JAK2: variants seen among roughly 807,000 people sequenced by gnomAD.
The protein encoded by JAK2 is tyrosine-protein kinase JAK2.
In JAK2, 86 loss-of-function variants were observed where a neutral mutation model predicts 139.3. That is an observed-to-expected ratio of 0.62 (90% CI 0.52 to 0.74). JAK2 has a LOEUF of 0.74. Ranked by LOEUF, JAK2 falls within the 30% of genes least tolerant of loss-of-function variation. JAK2 has a pLI of 0.00. For missense variants in JAK2, 1,421 were observed against 1,360.3 expected (o/e 1.04, Z -0.70); for synonymous variants, 490 against 437.7 (o/e 1.12, Z -1.49).
chr9:4,989,289 C>G (rs1329171865), intron 2 of JAK2, among the ~76,000 whole-genome samples: 1 of 152,146 alleles, frequency 6.6e-6, no homozygotes, highest in Non-Finnish European at 1.5e-5. Flanking sequence ...TGTTCTCCAT[C>G]CCTCTTTTTT....
chr9:5,042,536 C>T (rs1299428700), intron 4 of JAK2, among the ~76,000 whole-genome samples: 1 of 152,214 alleles, frequency 6.6e-6, no homozygotes, highest in East Asian at 1.9e-4. Context: ...AGGCCCCCTC[C>T]ACCCCCACCC....
intron 4 of JAK2, chr9:5,041,579 G>A (rs1203619648): frequency 2.0e-6 from 1 of 505,722 alleles, no homozygotes. Context: ...TGCACTACGT[G>A]CGGCGCCTGG....
rs1052496290 is a variant in JAK2 at position 5,112,406 on chromosome 9, T to G, written c.3060-10598T>G. On this transcript the variant is annotated intron_variant, in intron 22 of 24. Transcript: ENST00000381652. ...GGGAAATCAAGCGGGAGGAGGAGGA[T>G]GAGGAGAACACGTCGGCGGCTGACC... The G allele has an allele frequency of 1.8e-4, 80 of 451,360 alleles. 1 individual carries two copies. The highest frequency in any genetic ancestry group is 3.0e-4 in the Non-Finnish European group (74 of 243,078). The allele number at this position is 451,360 out of a possible 1,614,324, so 28.0% of individuals were successfully genotyped here. A position where few individuals can be genotyped will look rare whatever the true frequency, so the allele number is the denominator to read the frequency against.
At chr9:5,069,650 A>G (rs747778489) in intron 11 of JAK2, among the ~76,000 whole-genome samples, 17 of 152,264 alleles carry the variant, frequency 1.1e-4, no homozygotes, top group Non-Finnish European at 2.2e-4. Flanking sequence ...AGTTACTATA[A>G]TTTTGAATTA....
chr9:5,046,011 A>G (rs920653008), intron 5 of JAK2, among the ~76,000 whole-genome samples: 1 of 152,184 alleles, frequency 6.6e-6, no homozygotes, highest in Non-Finnish European at 1.5e-5. Flanking sequence ...CCAGCAGTGC[A>G]CAAGTGTTCC....
chr9:5,106,025 G>T (rs577240149), intron 22 of JAK2, among the ~76,000 whole-genome samples: 1 of 152,014 alleles, frequency 6.6e-6, no homozygotes, highest in Non-Finnish European at 1.5e-5. Context: ...TGATGAAAAC[G>T]CCAGAAACAA....
chr9:5,098,833 ACAG>A (rs111606445), intron 22 of JAK2: 13,401 of 152,136 alleles, frequency 0.088, 1,822 homozygotes, highest in African/African-American at 0.3. Context: ...AGCTGGGACT[ACAG>A]GCGACCGCCA....
At chr9:5,107,037 A>ATATATACATCACTTTAC (rs1385493390) in intron 22 of JAK2, among the ~76,000 whole-genome samples, 1 of 152,200 alleles carries the variant, frequency 6.6e-6, no homozygotes, top group Non-Finnish European at 1.5e-5. Context: ...TAATAAAAAT[A>ATATATACATCACTTTAC]TATATACATC....
chr9:5,055,816 G>C, intron 8 of JAK2, 28 bp downstream of exon 8: 1 of 1,584,640 alleles, frequency 6.3e-7, no homozygotes. Flanking sequence ...TTGAATAATG[G>C]TTTCATTTTA....
chr9:5,072,044 G>T (rs893872787), intron 12 of JAK2, among the ~76,000 whole-genome samples: 2 of 152,088 alleles, frequency 1.3e-5, no homozygotes, highest in Non-Finnish European at 2.9e-5. Context: ...TTCAGATGAA[G>T]AAACCACGAC....
intron 2 of JAK2, among the ~76,000 whole-genome samples, chr9:5,018,105 TTGA>T (rs1822189392): frequency 6.6e-6 from 1 of 152,228 alleles, no homozygotes; most frequent in South Asian, 2.1e-4. Flanking sequence ...AAGTTTATTC[TTGA>T]TATGTGAAGG....
chr9:4,987,963 T>C (rs1238689028), intron 2 of JAK2, among the ~76,000 whole-genome samples: 1 of 152,110 alleles, frequency 6.6e-6, no homozygotes, highest in South Asian at 2.1e-4. Flanking sequence ...GTTTCCTCCT[T>C]TCTAGTATAA....
intron 13 of JAK2, among the ~76,000 whole-genome samples, chr9:5,072,972 CA>C (rs1462073123): frequency 6.6e-6 from 1 of 152,056 alleles, no homozygotes; most frequent in African/African-American, 2.4e-5. Flanking sequence ...AACAAAAAAC[CA>C]AGTTTCAAAG....
At chr9:5,078,183 C>A in intron 15 of JAK2, 123 bp from the exon 16 acceptor site, 2 of 712,356 alleles carry the variant, frequency 2.8e-6, no homozygotes, top group South Asian at 2.6e-5. Context: ...TCAATGCATG[C>A]CTCCAAATTA....
At chr9:5,095,477 G>A (rs1026702333) in intron 22 of JAK2, among the ~76,000 whole-genome samples, 2 of 151,934 alleles carry the variant, frequency 1.3e-5, no homozygotes, top group Non-Finnish European at 2.9e-5. Flanking sequence ...TCCGGGCAAT[G>A]GACAATAATA....
chr9:5,081,687 T>G (rs749382721), intron 18 of JAK2, 38 bp from the exon 19 acceptor site: 4 of 1,456,080 alleles, frequency 2.7e-6, no homozygotes, highest in Non-Finnish European at 3.8e-6. Context: ...AGAATGTTAT[T>G]TGCTAATTTA....
chr9:5,089,492 C>T (rs1586769697), intron 19 of JAK2, among the ~76,000 whole-genome samples, 182 bp from the exon 20 acceptor site: 2 of 126,706 alleles, frequency 1.6e-5, no homozygotes, highest in Non-Finnish European at 1.5e-5. Flanking sequence ...GAGCCGAGAT[C>T]GTGCCACTGC....
intron 3 of JAK2, among the ~76,000 whole-genome samples, chr9:5,028,728 T>C (rs1822945532): frequency 6.6e-6 from 1 of 152,370 alleles, no homozygotes; most frequent in Admixed American, 6.5e-5. Flanking sequence ...GTTAGGGACA[T>C]GGTTTCTTTT....
intron 2 of JAK2, among the ~76,000 whole-genome samples, chr9:5,011,824 A>C (rs1326401062): frequency 6.6e-6 from 1 of 152,162 alleles, no homozygotes; most frequent in East Asian, 1.9e-4. Flanking sequence ...GCTTGGTTTT[A>C]GGCTTTGTTG....
Sources: gnomAD v4.1 joint callset for allele counts (sites outside exome capture counted in the v4.1 genomes callset) on GRCh38, gnomAD v4.1.1 for gene constraint, MANE v1.5 for transcripts, NCBI Gene and HGNC (gene_info 2026-07-23, HGNC 2026-07-21) for gene names.